Variants in HHIP observed in about 807,000 individuals in gnomAD.
HHIP encodes hedgehog-interacting protein.
Under a neutral mutation model 74.0 loss-of-function variants are expected in HHIP, and 12 were observed. That is an observed-to-expected ratio of 0.16 (90% CI 0.10 to 0.26). The LOEUF (loss-of-function observed/expected upper bound fraction) is 0.26. Ranked by LOEUF, HHIP falls within the 10% of genes least tolerant of loss-of-function variation. HHIP has a pLI of 1.00. For missense variants in HHIP, 788 were observed against 845.0 expected, an observed-to-expected ratio of 0.93 and a Z score of 0.84; for synonymous variants, 309 against 311.6, an observed-to-expected ratio of 0.99 and a Z score of 0.09.
At chr4:144,708,389 C>A in intron 7 of HHIP, 78 bp downstream of exon 7, 4 of 1,446,646 alleles carry the variant, frequency 2.8e-6, no homozygotes, top group Non-Finnish European at 3.8e-6. Context: ...TAGCATAGAG[C>A]ATATACCATC....
chr4:144,732,010 C>T (rs939745412), intron 11 of HHIP, among the ~76,000 whole-genome samples: 5 of 152,068 alleles, frequency 3.3e-5, no homozygotes, highest in African/African-American at 7.2e-5. Flanking sequence ...CCCTGAAGAG[C>T]GCAGTACTTG....
At chr4:144,715,130 T>G in intron 9 of HHIP, 170 bp from the exon 10 acceptor site, 2 of 546,452 alleles carry the variant, frequency 3.7e-6, no homozygotes. Context: ...TCTCCGCATA[T>G]GGGAATTTCA....
intron 11 of HHIP, among the ~76,000 whole-genome samples, chr4:144,724,225 C>T (rs1428287392): frequency 1.3e-5 from 2 of 152,140 alleles, no homozygotes; most frequent in East Asian, 1.9e-4. Flanking sequence ...ACAGGTAACA[C>T]ATGCAATGTT....
In HHIP at chr4:144,659,379, A is replaced by G. The variant is rs1728639521; in HGVS notation, c.630-258A>G. Among the ~76,000 whole-genome samples, 3 of 152,210 alleles carry G rather than the reference A, an allele frequency of 2.0e-5. No individual in the cohort carries two copies. In the South Asian group the frequency reaches 6.2e-4, roughly 32 times the overall value. ...AGTCGCTGAAATATGAGAAAATGAGATTATGACATTTGAAAATATATACAT... is the reference window on the plus strand; with the variant it reads ...AGTCGCTGAAATATGAGAAAATGAGGTTATGACATTTGAAAATATATACAT... On this transcript the variant is annotated intron_variant, in intron 3 of 12. Transcript: ENST00000296575.
chr4:144,691,195 G>A (rs746283324), intron 4 of HHIP, among the ~76,000 whole-genome samples: 10 of 151,912 alleles, frequency 6.6e-5, no homozygotes, highest in Admixed American at 3.9e-4. Flanking sequence ...TTCCTTTATC[G>A]TTTTCACAGT....
chr4:144,706,795 T>G (rs1212380242), intron 5 of HHIP, 113 bp downstream of exon 5: 1 of 910,620 alleles, frequency 1.1e-6, no homozygotes, highest in African/African-American at 1.7e-5. Flanking sequence ...GTGGCAATAA[T>G]TAAATCATTA....
In HHIP at chr4:144,646,595, A is replaced by G. The variant is rs952131765; in HGVS notation, c.-81A>G. 6.9e-7 allele frequency: 1 copy of G among 1,446,364 alleles called. No individual in the cohort carries two copies. The highest frequency in any genetic ancestry group is 2.3e-5 in the East Asian group (1 of 43,840). The allele number at this position is 1,446,364 out of a possible 1,614,324, so 89.6% of individuals were successfully genotyped here. On this transcript the variant is annotated 5_prime_UTR_variant, in exon 1 of 13. Coordinates refer to ENST00000296575, the MANE Select transcript of HHIP (RefSeq NM_022475.3). Reference sequence around the variant, plus strand: ...CTACAGCCCCGCAAACTCCTCCTGGAGCTGCGCCCTAGTGCCCCTGCTGGG... The same window carrying G: ...CTACAGCCCCGCAAACTCCTCCTGGGGCTGCGCCCTAGTGCCCCTGCTGGG...
At chr4:144,663,997 C>G (rs1728787392) in intron 4 of HHIP, among the ~76,000 whole-genome samples, 1 of 152,208 alleles carries the variant, frequency 6.6e-6, no homozygotes, top group Admixed American at 6.5e-5. Context: ...CTCAAGGAAA[C>G]TAGCAAACAC....
rs1350466398 is a variant in HHIP, at chr4:144,707,099, C to T, written c.996C>T (p.His332=). 1 of 1,613,856 alleles carries T rather than the reference C, an allele frequency of 6.2e-7. No individual in the cohort carries two copies. The highest frequency in any genetic ancestry group is 1.3e-5 in the African/African-American group (1 of 74,928). The change falls in exon 6 of 13, where the codon CAC becomes CAT. Residue 332 remains histidine, a synonymous_variant. Transcript: ENST00000296575. ...VEYTVSRKNP[H]QVDLRTARVF... ...TCCCACAATGTAGAAAAAATCCACA[C>T]CAAGTTGATTTGAGAACAGCCAGAG...
intron 4 of HHIP, among the ~76,000 whole-genome samples, chr4:144,671,983 CAAAT>C (rs1050924126): frequency 6.6e-6 from 1 of 151,992 alleles, no homozygotes; most frequent in South Asian, 2.1e-4. Flanking sequence ...GACTCCATCA[CAAAT>C]AAATAAATAA....
At chr4:144,656,148 G>C (rs189492933) in intron 2 of HHIP, among the ~76,000 whole-genome samples, 1 of 152,118 alleles carries the variant, frequency 6.6e-6, no homozygotes, top group Non-Finnish European at 1.5e-5. Context: ...CTGCAGAATC[G>C]GGTCATTTAA....
chr4:144,709,410 G>T, intron 7 of HHIP, among the ~76,000 whole-genome samples: 1 of 152,092 alleles, frequency 6.6e-6, no homozygotes, highest in Non-Finnish European at 1.5e-5. Flanking sequence ...CCACAATCCC[G>T]CTGGAGCTTT....
At chr4:144,690,754 G>T (rs1017571168) in intron 4 of HHIP, among the ~76,000 whole-genome samples, 1 of 147,252 alleles carries the variant, frequency 6.8e-6, no homozygotes, top group Non-Finnish European at 1.5e-5. Context: ...AAGAGGCAAA[G>T]TAAAATGACC....
rs547401523 is a variant in HHIP, at chr4:144,656,314, A to C, written c.473-2476A>C. 2.1e-3 allele frequency among the ~76,000 whole-genome samples: 327 copies of C among 152,258 alleles called. 2 individuals carry two copies. The highest frequency in any genetic ancestry group is 7.6e-3 in the African/African-American group (314 of 41,546). The stretch of plus-strand genomic sequence containing the variant: ...TAAATTACATAAGAAGCTTGGAGTA[A>C]ATTTATTGTTAACATTCTGTATTTT... On this transcript the variant is annotated intron_variant, in intron 2 of 12. Transcript: ENST00000296575.
intron 4 of HHIP, among the ~76,000 whole-genome samples, chr4:144,670,253 G>C (rs373846306): frequency 4.6e-5 from 7 of 151,860 alleles, no homozygotes; most frequent in African/African-American, 1.7e-4. Context: ...CTGAAGTAAC[G>C]AGTGCTCAAT....
At chr4:144,670,961 C>T (rs186515490) in intron 4 of HHIP, among the ~76,000 whole-genome samples, 2 of 152,132 alleles carry the variant, frequency 1.3e-5, no homozygotes, top group Non-Finnish European at 1.5e-5. Flanking sequence ...CCTGAACCGA[C>T]GTCCCTCCAC....
At chr4:144,671,174 C>G (rs1389514274) in intron 4 of HHIP, among the ~76,000 whole-genome samples, 1 of 152,170 alleles carries the variant, frequency 6.6e-6, no homozygotes, top group Non-Finnish European at 1.5e-5. Flanking sequence ...AATATATTTA[C>G]ACCCGAGGTG....
At chr4:144,658,208 A>G (rs997728624) in intron 2 of HHIP, among the ~76,000 whole-genome samples, 3 of 152,196 alleles carry the variant, frequency 2.0e-5, no homozygotes, top group African/African-American at 7.2e-5. Context: ...AGCAAGATAA[A>G]TGCTGAGTTT....
At position 144,658,120 on chromosome 4, in the gene HHIP, A is replaced by G. The variant is rs145325025; in HGVS notation, c.473-670A>G. ...GAAGTTATTTAGTATTGTAGGAAAA[A>G]ATGCTAAATACTGATGAGATATGCT... On this transcript the variant is annotated intron_variant, in intron 2 of 12. Transcript: ENST00000296575. 4.8e-4 allele frequency among the ~76,000 whole-genome samples: 73 copies of G among 152,224 alleles called. 1 individual carries two copies. The highest frequency in any genetic ancestry group is 1.7e-3 in the African/African-American group (70 of 41,562).
Sources: allele counts gnomAD v4.1 joint callset (sites outside exome capture counted in the v4.1 genomes callset), GRCh38; gene constraint gnomAD v4.1.1; transcripts MANE v1.5; gene names NCBI Gene and HGNC (gene_info 2026-07-23, HGNC 2026-07-21).